Variants in TRDMT1 observed in about 807,000 individuals in gnomAD.
TRDMT1 encodes the protein tRNA (cytosine(38)-C(5))-methyltransferase.
A neutral mutation model predicts 51.2 loss-of-function variants in TRDMT1; 49 were observed. The observed-to-expected ratio is 0.96, with a 90% CI of 0.76 to 1.21. The LOEUF is 1.21. Among genes scored for constraint, TRDMT1 ranks in the 50% most tolerant of loss-of-function variants. The pLI is 0.00. For synonymous variants in TRDMT1, 187 were observed against 164.6 expected (o/e 1.14, Z -1.04); for missense variants, 534 against 462.3 (o/e 1.16, Z -1.42).
chr10:17,193,541 G>C (rs975544707), intron 1 of TRDMT1, among the ~76,000 whole-genome samples: 1 of 152,098 alleles, frequency 6.6e-6, no homozygotes, highest in African/African-American at 2.4e-5. Context: ...AATCAAGAAT[G>C]TGATCTTCTT....
chr10:17,157,402 T>G, intron 8 of TRDMT1, 39 bp downstream of exon 8: 2 of 1,471,888 alleles, frequency 1.4e-6, no homozygotes, highest in South Asian at 2.9e-5. Context: ...AAAAACCTGG[T>G]TATTTTGGAT....
At chr10:17,184,715 T>C (rs903259817) in intron 1 of TRDMT1, among the ~76,000 whole-genome samples, 59 of 152,214 alleles carry the variant, frequency 3.9e-4, no homozygotes, top group African/African-American at 1.4e-3. Context: ...ATAAGACCTA[T>C]GCACTTCAAC....
chr10:17,151,909 G>C, intron 10 of TRDMT1: 1 of 1,114,334 alleles, frequency 9.0e-7, no homozygotes, highest in Non-Finnish European at 1.1e-6. Context: ...AGAAGGGAAC[G>C]GTTAAGGTGG....
Position 17,149,100 on chromosome 10 carries a change from T to C in TRDMT1, c.1116A>G (p.Leu372=), listed in dbSNP as rs1437737313. The C allele has an allele frequency of 2.5e-6, 4 of 1,611,730 alleles. No homozygotes were observed. Among genetic ancestry groups the C allele is most frequent in the Non-Finnish European group, 3.4e-6 (4 of 1,179,208 alleles). The change falls in exon 11 of 11, where the codon CTA becomes CTG. Residue 372 remains leucine, a synonymous_variant. Coordinates refer to ENST00000377799, the MANE Select transcript of TRDMT1 (RefSeq NM_004412.7). ...CATGCACGTTGAGACTATTTCCAAG[T>C]AGGCGATAACGCTGTTTCACTGTTA... The part of the protein sequence containing the change: ...EKITVKQRYR[L]LGNSLNVHVV...
chr10:17,159,466 T>A (rs950296630), intron 6 of TRDMT1, among the ~76,000 whole-genome samples: 2 of 152,196 alleles, frequency 1.3e-5, no homozygotes, highest in South Asian at 2.1e-4. Flanking sequence ...CAAATATATC[T>A]ACAAGTCACT....
chr10:17,153,442 AAGTCCCTAAAGATTTTTGAG>A, intron 10 of TRDMT1, 45 bp downstream of exon 10: 1 of 1,587,634 alleles, frequency 6.3e-7, no homozygotes, highest in Non-Finnish European at 8.6e-7. Flanking sequence ...CTAGACACAC[AAGTCCCTAAAGATTTTTGAG>A]AGTTTTAATA....
rs138163578 is a variant in TRDMT1, at chr10:17,152,711, G to A, written c.1075+796C>T. Among the ~76,000 whole-genome samples, 241 of 152,278 alleles carry A rather than the reference G, an allele frequency of 1.6e-3. 3 individuals are homozygous for A. The highest frequency in any genetic ancestry group is 5.5e-3 in the African/African-American group (227 of 41,568). ...GCTGAGAGCACTGGCCCCGGTAGTGGGATCAGGGAGATGGGCTGGGGCATC... is the reference window on the plus strand; with the variant it reads ...GCTGAGAGCACTGGCCCCGGTAGTGAGATCAGGGAGATGGGCTGGGGCATC... On this transcript the variant is annotated intron_variant, in intron 10 of 10. Coordinates refer to ENST00000377799, the MANE Select transcript of TRDMT1 (RefSeq NM_004412.7).
At chr10:17,188,725 T>G (rs917994784) in intron 1 of TRDMT1, among the ~76,000 whole-genome samples, 1 of 152,186 alleles carries the variant, frequency 6.6e-6, no homozygotes, top group African/African-American at 2.4e-5. Context: ...ACACCAACTT[T>G]CCTTCAGTCA....
chr10:17,195,304 C>A (rs1220436200), intron 1 of TRDMT1, among the ~76,000 whole-genome samples: 1 of 152,150 alleles, frequency 6.6e-6, no homozygotes, highest in African/African-American at 2.4e-5. Flanking sequence ...TCCTTTGTAG[C>A]AACATGGATG....
At chr10:17,182,611 G>C (rs1279494095) in intron 1 of TRDMT1, among the ~76,000 whole-genome samples, 2 of 152,144 alleles carry the variant, frequency 1.3e-5, no homozygotes, top group Non-Finnish European at 2.9e-5. Flanking sequence ...AGAAGGTCAA[G>C]AGTCTTCAAT....
chr10:17,139,415 T>A lies in TRDMT1; in HGVS notation c.*9625A>T, dbSNP rs1364256166. ...GATCTTAGGAAAAGGGGAAAGTACA[T>A]CTTTGTGATGATATTTTGTGTTCTA... On this transcript the variant is annotated 3_prime_UTR_variant, in exon 11 of 11. Transcript: ENST00000377799. 2.6e-5 allele frequency among the ~76,000 whole-genome samples: 4 copies of A among 152,048 alleles called. No homozygotes were observed. Among genetic ancestry groups the A allele is most frequent in the Non-Finnish European group, 5.9e-5 (4 of 68,032 alleles).
chr10:17,151,560 A>C (rs1268832984), intron 10 of TRDMT1: 3 of 985,580 alleles, frequency 3.0e-6, no homozygotes, highest in African/African-American at 3.5e-5. Context: ...CAGTGGTGAC[A>C]TCAGGGTAAG....
At chr10:17,150,522 G>C (rs1015192463) in intron 10 of TRDMT1, 42 of 985,238 alleles carry the variant, frequency 4.3e-5, no homozygotes, top group Non-Finnish European at 4.8e-5. Flanking sequence ...CAGCATAAAA[G>C]ACTGTCCACG....
chr10:17,151,214 G>GA (rs1170222528), intron 10 of TRDMT1: 163 of 886,280 alleles, frequency 1.8e-4, no homozygotes, highest in Non-Finnish European at 2.1e-4. Flanking sequence ...AACAATTTGT[G>GA]AAAAAAATGA....
At position 17,148,861 on chromosome 10, in the gene TRDMT1, A is replaced by C. The variant is rs1838340987; in HGVS notation, c.*179T>G. 1.6e-6 allele frequency: 2 copies of C among 1,215,856 alleles called. No individual in the cohort carries two copies. The highest frequency in any genetic ancestry group is 2.1e-6 in the Non-Finnish European group (2 of 944,828). The allele number at this position is 1,215,856 out of a possible 1,614,324, so 75.3% of individuals were successfully genotyped here. ...AACAATAGTTCGTATTTTATAAAAT[A>C]CAGTAATATAAATTTGATGAAACAC... On this transcript the variant is annotated 3_prime_UTR_variant, in exon 11 of 11. Coordinates refer to ENST00000377799, the MANE Select transcript of TRDMT1 (RefSeq NM_004412.7).
intron 1 of TRDMT1, among the ~76,000 whole-genome samples, chr10:17,199,253 C>G (rs1451224394): frequency 2.6e-5 from 4 of 152,068 alleles, no homozygotes; most frequent in African/African-American, 9.7e-5. Flanking sequence ...CCCTAATATG[C>G]AGATTTCCAC....
At chr10:17,187,985 AT>A (rs1844170441) in intron 1 of TRDMT1, among the ~76,000 whole-genome samples, 1 of 150,584 alleles carries the variant, frequency 6.6e-6, no homozygotes. Flanking sequence ...AACATACTTT[AT>A]TTTTTATATT....
At position 17,147,295 on chromosome 10, in the gene TRDMT1, T is replaced by C. The variant is rs527445861; in HGVS notation, c.*1745A>G. 9.1e-6 allele frequency: 9 copies of C among 985,640 alleles called. No homozygotes were observed. In the South Asian group the frequency reaches 4.2e-4, roughly 46 times the overall value. The allele number at this position is 985,640 out of a possible 1,614,324, so 61.1% of individuals were successfully genotyped here. ...CACATATGAAAAATGTAGATAGTGA[T>C]AGTTTCTGTATATGGGCTGGCTTAC... On this transcript the variant is annotated 3_prime_UTR_variant, in exon 11 of 11. Coordinates refer to ENST00000377799, the MANE Select transcript of TRDMT1 (RefSeq NM_004412.7).
Position 17,143,893 on chromosome 10 carries a change from C to T in TRDMT1, c.*5147G>A. The T allele has an allele frequency of 1.0e-6, 1 of 984,584 alleles. No homozygotes were observed. Among genetic ancestry groups the T allele is most frequent in the South Asian group, 4.7e-5 (1 of 21,246 alleles). 61.0% of individuals were successfully genotyped at this position (984,584 alleles called of 1,614,324 possible). A position where few individuals can be genotyped will look rare whatever the true frequency, so the allele number is the denominator to read the frequency against. On this transcript the variant is annotated 3_prime_UTR_variant, in exon 11 of 11. Transcript: ENST00000377799. ...GGAACTGACTATAGAATGGAGTGTGCTTAGGTTGCAAGCATGCTAAATTTG... is the reference window on the plus strand; with the variant it reads ...GGAACTGACTATAGAATGGAGTGTGTTTAGGTTGCAAGCATGCTAAATTTG...
Sources: gnomAD v4.1 joint callset for allele counts (sites outside exome capture counted in the v4.1 genomes callset) on GRCh38, gnomAD v4.1.1 for gene constraint, MANE v1.5 for transcripts, NCBI Gene and HGNC (gene_info 2026-07-23, HGNC 2026-07-21) for gene names.